UBE2E3: variants seen among roughly 807,000 people sequenced by gnomAD.
The protein encoded by UBE2E3 is ubiquitin conjugating enzyme E2 E3, also known as ubiquitin-conjugating enzyme E2 E3.
In UBE2E3, 5 loss-of-function variants were observed where a neutral mutation model predicts 23.6. The ratio of observed to expected loss-of-function variants is 0.21; its 90% CI spans 0.11 to 0.44. UBE2E3 has a LOEUF of 0.44. UBE2E3 is among the 20% of genes least tolerant of loss of function. The probability of loss-of-function intolerance (pLI) is 0.99; values close to 1 mark genes in which losing one functional copy is unlikely to be tolerated. For missense variants in UBE2E3, 81 were observed against 249.8 expected (o/e 0.32, Z 4.55); for synonymous variants, 78 against 87.5 (o/e 0.89, Z 0.60).
In UBE2E3 at chr2:181,034,629, A is replaced by G. The variant is rs1304272682; in HGVS notation, c.246-23064A>G. 2.6e-5 allele frequency among the ~76,000 whole-genome samples: 4 copies of G among 152,224 alleles called. No homozygotes were observed. In the South Asian group the frequency reaches 8.3e-4, roughly 31 times the overall value. Reference sequence around the variant, plus strand: ...CAACATGGCACATGTATACATATGTAACGAACCTGCACGTTGTGCACATGT... The same window carrying G: ...CAACATGGCACATGTATACATATGTGACGAACCTGCACGTTGTGCACATGT... On this transcript the variant is annotated intron_variant, in intron 3 of 5. Transcript: ENST00000410062.
chr2:180,996,970 G>A (rs780154165), intron 3 of UBE2E3, among the ~76,000 whole-genome samples: 9 of 151,954 alleles, frequency 5.9e-5, no homozygotes, highest in Non-Finnish European at 1.3e-4. Context: ...TAATGTGTAC[G>A]TATGCACACA....
intron 3 of UBE2E3, among the ~76,000 whole-genome samples, chr2:181,035,846 G>T (rs149019632): frequency 6.6e-6 from 1 of 152,240 alleles, no homozygotes; most frequent in Non-Finnish European, 1.5e-5. Context: ...CACATAATAG[G>T]TAATATAAGC....
At chr2:180,997,658 TTTATCTTTATTTTTATC>T (rs1468029823) in intron 3 of UBE2E3, among the ~76,000 whole-genome samples, 13 of 152,146 alleles carry the variant, frequency 8.5e-5, no homozygotes, top group Admixed American at 2.6e-4. Context: ...GCTCTCTTAA[TTTATCTTTATTTTTATC>T]TTATCTTTAT....
intron 3 of UBE2E3, among the ~76,000 whole-genome samples, chr2:181,029,035 C>T (rs1685986361): frequency 6.6e-6 from 1 of 151,942 alleles, no homozygotes; most frequent in Non-Finnish European, 1.5e-5. Flanking sequence ...GGTAGTAGTC[C>T]AATTTCATTT....
At chr2:180,984,896 A>G (rs1216035868) in intron 3 of UBE2E3, among the ~76,000 whole-genome samples, 1 of 152,114 alleles carries the variant, frequency 6.6e-6, no homozygotes, top group Non-Finnish European at 1.5e-5. Flanking sequence ...TTGAACACGC[A>G]TAGAAAACAA....
At chr2:181,040,198 G>A (rs1278489681) in intron 3 of UBE2E3, among the ~76,000 whole-genome samples, 1 of 152,162 alleles carries the variant, frequency 6.6e-6, no homozygotes, top group Non-Finnish European at 1.5e-5. Flanking sequence ...ATGGAAGATT[G>A]CGTTATAGTC....
chr2:180,989,109 T>G (rs1559111987), intron 3 of UBE2E3, among the ~76,000 whole-genome samples: 1 of 152,148 alleles, frequency 6.6e-6, no homozygotes, highest in Non-Finnish European at 1.5e-5. Flanking sequence ...TCAAAAATCA[T>G]GAGGGTTTTT....
intron 3 of UBE2E3, among the ~76,000 whole-genome samples, chr2:180,995,138 T>C (rs1340561272): frequency 6.6e-6 from 1 of 152,124 alleles, no homozygotes; most frequent in Non-Finnish European, 1.5e-5. Flanking sequence ...AAAAGTGATT[T>C]CTCCTGGTTC....
At chr2:181,024,498 T>C (rs1434444042) in intron 3 of UBE2E3, among the ~76,000 whole-genome samples, 2 of 152,110 alleles carry the variant, frequency 1.3e-5, no homozygotes, top group South Asian at 2.1e-4. Context: ...AAATTAAAAT[T>C]GTAACAGAGC....
chr2:180,991,586 TTTGA>T (rs984443490), intron 3 of UBE2E3, among the ~76,000 whole-genome samples: 33 of 152,356 alleles, frequency 2.2e-4, no homozygotes, highest in African/African-American at 7.9e-4. Context: ...CCAGGATGTC[TTTGA>T]TTGTGGCACA....
intron 3 of UBE2E3, among the ~76,000 whole-genome samples, chr2:181,018,988 A>T (rs891655816): frequency 1.7e-4 from 26 of 151,560 alleles, no homozygotes; most frequent in African/African-American, 6.1e-4. Context: ...TTTGAGATGG[A>T]GTTTTGCTCT....
intron 2 of UBE2E3, among the ~76,000 whole-genome samples, chr2:180,983,668 T>G (rs1684370146): frequency 6.6e-6 from 1 of 152,254 alleles, no homozygotes; most frequent in African/African-American, 2.4e-5. Context: ...TTCAAGTCCT[T>G]GTCAAATATT....
chr2:181,033,965 A>C (rs994710446), intron 3 of UBE2E3, among the ~76,000 whole-genome samples: 1 of 152,186 alleles, frequency 6.6e-6, no homozygotes, highest in African/African-American at 2.4e-5. Context: ...TGCAAATCAA[A>C]ACCACAATGA....
intron 3 of UBE2E3, among the ~76,000 whole-genome samples, chr2:181,041,356 A>T (rs1386300577): frequency 6.6e-6 from 1 of 151,888 alleles, no homozygotes; most frequent in Non-Finnish European, 1.5e-5. Flanking sequence ...AGCTTAGAAC[A>T]TACTACTTTT....
intron 3 of UBE2E3, among the ~76,000 whole-genome samples, chr2:181,015,285 AG>A (rs1559121858): frequency 6.6e-6 from 1 of 152,182 alleles, no homozygotes; most frequent in Non-Finnish European, 1.5e-5. Context: ...TAGTCACATT[AG>A]GACATTTTAA....
chr2:181,059,701 G>A (rs1182424104), intron 4 of UBE2E3, among the ~76,000 whole-genome samples: 5 of 151,640 alleles, frequency 3.3e-5, no homozygotes, highest in African/African-American at 7.3e-5. Flanking sequence ...ATATGCACAT[G>A]TAACTAGTAT....
At chr2:181,053,418 GGAACATACTCGTTTA>G (rs751739996) in intron 3 of UBE2E3, among the ~76,000 whole-genome samples, 1 of 151,576 alleles carries the variant, frequency 6.6e-6, no homozygotes, top group Non-Finnish European at 1.5e-5. Context: ...ACAAATTTTT[GGAACATACTCGTTTA>G]TAAAAGTTAG....
intron 3 of UBE2E3, among the ~76,000 whole-genome samples, chr2:181,048,704 G>C (rs950934918): frequency 1.3e-5 from 2 of 151,996 alleles, no homozygotes; most frequent in African/African-American, 4.8e-5. Context: ...ACTCCTAATT[G>C]CTTTCAACCT....
intron 3 of UBE2E3, 24 bp downstream of exon 3, chr2:180,984,117 T>C (rs761906682): frequency 6.3e-7 from 1 of 1,597,968 alleles, no homozygotes; most frequent in Non-Finnish European, 8.6e-7. Flanking sequence ...TTTGTTGTTT[T>C]GGTTTCAAAT....
Sources: gnomAD v4.1 joint callset for allele counts (sites outside exome capture counted in the v4.1 genomes callset) on GRCh38, gnomAD v4.1.1 for gene constraint, MANE v1.5 for transcripts, NCBI Gene and HGNC (gene_info 2026-07-23, HGNC 2026-07-21) for gene names.